The following DDX39B variants were observed in gnomAD, a reference collection of about 807,000 sequenced individuals.
DDX39B encodes spliceosome RNA helicase DDX39B.
In DDX39B, 6 loss-of-function variants were observed where a neutral mutation model predicts 46.4. The observed-to-expected ratio is 0.13, with a 90% CI of 0.07 to 0.26. The LOEUF is 0.26. Among genes scored for constraint, DDX39B ranks in the 10% least tolerant of loss-of-function variants. DDX39B has a pLI of 1.00. For missense variants in DDX39B, 185 were observed against 553.4 expected, an observed-to-expected ratio of 0.33 and a Z score of 6.68; for synonymous variants, 174 against 199.4, an observed-to-expected ratio of 0.87 and a Z score of 1.07.
chr6:31,541,014 A>G (rs1768361997), intron 1 of DDX39B: 1 of 458,974 alleles, frequency 2.2e-6, no homozygotes, highest in Admixed American at 2.6e-5. Flanking sequence ...TGGAAAATGG[A>G]GATGACAAGT....
intron 3 of DDX39B, 93 bp downstream of exon 3, chr6:31,539,051 CTCA>C (rs1450393149): frequency 2.5e-6 from 4 of 1,603,366 alleles, no homozygotes; most frequent in Non-Finnish European, 3.4e-6. Flanking sequence ...AGGTCATGTG[CTCA>C]TGGCTCTGCA....
At chr6:31,537,643 C>G (rs1009332855) in intron 4 of DDX39B, among the ~76,000 whole-genome samples, 15 of 152,084 alleles carry the variant, frequency 9.9e-5, no homozygotes, top group African/African-American at 3.6e-4. Flanking sequence ...GGCCTTGGTA[C>G]AGTATCAAAT....
chr6:31,539,990 T>C (rs898705132), intron 2 of DDX39B, among the ~76,000 whole-genome samples: 1 of 152,282 alleles, frequency 6.6e-6, no homozygotes, highest in Non-Finnish European at 1.5e-5. Flanking sequence ...TATCCCCTGA[T>C]TTTTTCTTCC....
chr6:31,535,548 G>A lies in DDX39B; in HGVS notation c.617-63C>T. ...GCAGGTATGATAAACAAAGATTAGA[G>A]GTAGACTTCCCAGTGAGGTGAAGAT... On this transcript the variant is annotated intron_variant, in intron 5 of 10. Transcript: ENST00000396172. This position sits in a 1 kb window ranked among gnomAD's most constrained non-coding sequence, Gnocchi z 4.6. 3.8e-6 allele frequency: 5 copies of A among 1,323,438 alleles called. No individual in the cohort carries two copies. Among genetic ancestry groups the A allele is most frequent in the Non-Finnish European group, 5.4e-6 (5 of 926,756 alleles). 82.0% of individuals were successfully genotyped at this position (1,323,438 alleles called of 1,614,324 possible).
Position 31,531,486 on chromosome 6 carries a change from G to A in DDX39B, c.868-81C>T. 1 of 1,190,314 alleles carries A rather than the reference G, an allele frequency of 8.4e-7. No individual in the cohort carries two copies. Among genetic ancestry groups the A allele is most frequent in the South Asian group, 1.3e-5 (1 of 78,148 alleles). 73.7% of individuals were successfully genotyped at this position (1,190,314 alleles called of 1,614,324 possible). On this transcript the variant is annotated intron_variant, in intron 7 of 10. Transcript: ENST00000396172. The surrounding 1 kb of genome is among the most constrained non-coding windows in gnomAD (Gnocchi z 5.8). Reference sequence around the variant, plus strand: ...GTGAGAGACATTACGTGGGAGAGGGGAGTTTCTAGTAATTACGTTCTCAGG... The same window carrying A: ...GTGAGAGACATTACGTGGGAGAGGGAAGTTTCTAGTAATTACGTTCTCAGG...
rs760703567 is a variant in DDX39B, at chr6:31,534,530, ATTT to A, written c.735+834_735+836del. The A allele has an allele frequency of 2.1e-6, 1 of 469,688 alleles. No individual in the cohort carries two copies. The highest frequency in any genetic ancestry group is 1.6e-5 in the South Asian group (1 of 64,276). 29.1% of individuals were successfully genotyped at this position (469,688 alleles called of 1,614,324 possible). On this transcript the variant is annotated intron_variant, in intron 6 of 10. Transcript: ENST00000396172. This position sits in a 1 kb window ranked among gnomAD's most constrained non-coding sequence, Gnocchi z 5.1. ...TCTGAGTATTAAAAAAAACAAAAAAATTTTTTTAAGAAAAAAAATCTACCACCC... is the reference window on the plus strand; with the variant it reads ...TCTGAGTATTAAAAAAAACAAAAAAATTTTAAGAAAAAAAATCTACCACCC...
intron 1 of DDX39B, chr6:31,541,531 A>G (rs1768449897): frequency 4.8e-6 from 2 of 414,474 alleles, no homozygotes; most frequent in Non-Finnish European, 9.9e-6. Flanking sequence ...GAAAAATCCA[A>G]CTGGGCCCAG....
At chr6:31,538,916 G>C (rs770015146) in intron 3 of DDX39B, 61 bp from the exon 4 acceptor site, 3 of 1,558,768 alleles carry the variant, frequency 1.9e-6, no homozygotes, top group Admixed American at 3.3e-5. Flanking sequence ...CCCCTCTAGG[G>C]AAGTGACTGT....
In DDX39B at chr6:31,531,374, C is replaced by G; in HGVS notation, c.899G>C (p.Cys300Ser). Residue 300 changes from cysteine to serine, a missense_variant, in exon 8 of 11, where the codon TGC becomes TCC. By Grantham distance (112) the Cys-to-Ser change is moderately radical. This residue lies in a region of DDX39B where 110 missense variants were observed against 282.2 expected (regional missense o/e 0.39). Transcript: ENST00000396172. The surrounding 1 kb of genome is among the most constrained non-coding windows in gnomAD (Gnocchi z 5.8). ...CACTAGTAGCTGGGCCAAGGCAATGCACCGCTGCACAGACTTCACAAAGAT... is the reference window on the plus strand; with the variant it reads ...CACTAGTAGCTGGGCCAAGGCAATGGACCGCTGCACAGACTTCACAAAGAT... Reference protein sequence around the residue: ...VVIFVKSVQRCIALAQLLVEQ... With the variant: ...VVIFVKSVQRSIALAQLLVEQ... 3.1e-6 allele frequency: 5 copies of G among 1,614,068 alleles called. No homozygotes were observed. Among genetic ancestry groups the G allele is most frequent in the Non-Finnish European group, 4.2e-6 (5 of 1,180,006 alleles).
In DDX39B at chr6:31,531,971, C is replaced by T. The variant is rs1767217303; in HGVS notation, c.868-566G>A. Among the ~76,000 whole-genome samples, 1 of 152,124 alleles carries T rather than the reference C, an allele frequency of 6.6e-6. No homozygotes were observed. Among genetic ancestry groups the T allele is most frequent in the Non-Finnish European group, 1.5e-5 (1 of 68,030 alleles). Reference sequence around the variant, plus strand: ...CAGCTGGGACCACAGGTGCACACCACCACGCCCAGCTACTTTTTTTATTTT... The same window carrying T: ...CAGCTGGGACCACAGGTGCACACCATCACGCCCAGCTACTTTTTTTATTTT... On this transcript the variant is annotated intron_variant, in intron 7 of 10. Coordinates refer to ENST00000396172, the MANE Select transcript of DDX39B (RefSeq NM_004640.7). This position sits in a 1 kb window ranked among gnomAD's most constrained non-coding sequence, Gnocchi z 5.8.
At chr6:31,541,139 C>A in intron 1 of DDX39B, 1 of 533,672 alleles carries the variant, frequency 1.9e-6, no homozygotes, top group Non-Finnish European at 3.8e-6. Flanking sequence ...GTCATCACTG[C>A]GCAAAGCGCT....
Position 31,536,537 on chromosome 6 carries a change from A to G in DDX39B, c.579T>C (p.Phe193=). Reference sequence around the variant, plus strand: ...GCATCTTATCACATTCATCCAAAATAAAGTGTTTAATGTGTTTGAGGTTGA... The same window carrying G: ...GCATCTTATCACATTCATCCAAAATGAAGTGTTTAATGTGTTTGAGGTTGA... ...KSLNLKHIKH[F]ILDECDKMLE... Residue 193 remains phenylalanine (F), a synonymous_variant, in exon 5 of 11, where the codon TTT becomes TTC. Coordinates refer to ENST00000396172, the MANE Select transcript of DDX39B (RefSeq NM_004640.7). The G allele has an allele frequency of 2.5e-6, 4 of 1,613,240 alleles. No homozygotes were observed. Among genetic ancestry groups the G allele is most frequent in the Non-Finnish European group, 3.4e-6 (4 of 1,180,034 alleles).
At position 31,531,946 on chromosome 6, in the gene DDX39B, C is replaced by G. The variant is rs1016353503; in HGVS notation, c.868-541G>C. On this transcript the variant is annotated intron_variant, in intron 7 of 10. Coordinates refer to ENST00000396172, the MANE Select transcript of DDX39B (RefSeq NM_004640.7). The surrounding 1 kb of genome is among the most constrained non-coding windows in gnomAD (Gnocchi z 5.8). ...GATCCTTCCACCTCAGCATCCCAAG[C>G]AGCTGGGACCACAGGTGCACACCAC... Among the ~76,000 whole-genome samples the G allele has an allele frequency of 6.6e-6, 1 of 152,114 alleles. No homozygotes were observed. The highest frequency in any genetic ancestry group is 1.9e-4 in the East Asian group (1 of 5,190).
chr6:31,541,281 C>A, intron 1 of DDX39B: 1 of 507,460 alleles, frequency 2.0e-6, no homozygotes, highest in Non-Finnish European at 4.1e-6. Flanking sequence ...AGGGGCGGTG[C>A]AAGACAAATG....
chr6:31,534,969 GAGCAGAA>G lies in DDX39B; in HGVS notation c.735+391_735+397del. 1 of 272,704 alleles carries G rather than the reference GAGCAGAA, an allele frequency of 3.7e-6. No individual in the cohort carries two copies. The allele number at this position is 272,704 out of a possible 1,614,324, so 16.9% of individuals were successfully genotyped here. ...GCCACCGGGAAGTAGGAGTTTTGGT[GAGCAGAA>G]GGCTCCAGCTGTACGCTCGATGCCA... On this transcript the variant is annotated intron_variant, in intron 6 of 10. Coordinates refer to ENST00000396172, the MANE Select transcript of DDX39B (RefSeq NM_004640.7). This position sits in a 1 kb window ranked among gnomAD's most constrained non-coding sequence, Gnocchi z 5.1.
intron 5 of DDX39B, 120 bp downstream of exon 5, chr6:31,536,380 C>G (rs1266193176): frequency 7.2e-7 from 1 of 1,388,074 alleles, no homozygotes; most frequent in East Asian, 2.3e-5. Context: ...CCAGAGCCAT[C>G]AGTCATGGGT....
rs1460171521 is a variant in DDX39B, at chr6:31,532,827, TCTC to T, written c.817_819del (p.Glu273del). 6.2e-7 allele frequency: 1 copy of T among 1,607,378 alleles called. No individual in the cohort carries two copies. The highest frequency in any genetic ancestry group is 8.5e-7 in the Non-Finnish European group (1 of 1,177,502). ...AGAAGGTCAAAGAGCTTCCGGTTCT[TCTC>T]GTTGTCCTTCAGTTTCACGTAGTAC... On this transcript the variant is annotated inframe_deletion, in exon 7 of 11. Coordinates refer to ENST00000396172, the MANE Select transcript of DDX39B (RefSeq NM_004640.7).
chr6:31,531,021 A>G lies in DDX39B; in HGVS notation c.1122+32T>C, dbSNP rs1218177298. ...TACAAACAGAAAACAAGGGAATGGG[A>G]GAGTGGGATTTTTTCAGCCTGTGAG... On this transcript the variant is annotated intron_variant, in intron 9 of 10. Transcript: ENST00000396172. The surrounding 1 kb of genome is among the most constrained non-coding windows in gnomAD (Gnocchi z 5.8). 5 of 1,613,842 alleles carry G rather than the reference A, an allele frequency of 3.1e-6. No homozygotes were observed. Among genetic ancestry groups the G allele is most frequent in the Non-Finnish European group, 4.2e-6 (5 of 1,179,794 alleles).
At chr6:31,539,313 GTC>G (rs1226211888) in intron 2 of DDX39B, 39 bp from the exon 3 acceptor site, 1 of 1,600,982 alleles carries the variant, frequency 6.2e-7, no homozygotes, top group African/African-American at 1.3e-5. Context: ...TTAGACTTCA[GTC>G]TCCAGATAAC....
Sources: allele counts gnomAD v4.1 joint callset (sites outside exome capture counted in the v4.1 genomes callset), GRCh38; gene constraint gnomAD v4.1.1; regional missense constraint gnomAD v4.1.1; non-coding constraint Gnocchi (gnomAD v3.1); transcripts MANE v1.5; gene names NCBI Gene and HGNC (gene_info 2026-07-23, HGNC 2026-07-21).